Variants in NPR3 observed in about 807,000 individuals in gnomAD.
NPR3 encodes the protein atrial natriuretic peptide receptor 3.
Under a neutral mutation model 54.5 loss-of-function variants are expected in NPR3, and 34 were observed. The observed-to-expected ratio is 0.62, with a 90% CI of 0.47 to 0.83. The LOEUF is 0.83. Ranked by LOEUF, NPR3 falls within the 40% of genes least tolerant of loss-of-function variation. The probability of loss-of-function intolerance (pLI) is 0.00; values close to 1 mark genes in which losing one functional copy is unlikely to be tolerated. For synonymous variants in NPR3, 289 were observed against 297.1 expected, an observed-to-expected ratio of 0.97 and a Z score of 0.28; for missense variants, 674 against 720.8, an observed-to-expected ratio of 0.94 and a Z score of 0.74.
intron 1 of NPR3, among the ~76,000 whole-genome samples, chr5:32,697,554 G>A (rs1296944855): frequency 6.6e-6 from 1 of 151,706 alleles, no homozygotes; most frequent in African/African-American, 2.4e-5. Flanking sequence ...AGAGTAGTTT[G>A]AGTAGAATTG....
At chr5:32,768,234 G>C (rs1741580366) in intron 3 of NPR3, among the ~76,000 whole-genome samples, 3 of 152,176 alleles carry the variant, frequency 2.0e-5, no homozygotes, top group Admixed American at 6.5e-5. Context: ...TGGCACTGGT[G>C]AATCATCAGG....
intron 1 of NPR3, among the ~76,000 whole-genome samples, chr5:32,721,697 T>C (rs1738873281): frequency 1.3e-5 from 2 of 152,166 alleles, no homozygotes; most frequent in East Asian, 3.9e-4. Context: ...ACAAAGAATG[T>C]GTCCATCAGA....
intron 1 of NPR3, among the ~76,000 whole-genome samples, chr5:32,717,461 A>T (rs1233454262): frequency 6.6e-6 from 1 of 152,122 alleles, no homozygotes; most frequent in East Asian, 1.9e-4. Flanking sequence ...TATAATTTAC[A>T]CTCCCACCAA....
intron 3 of NPR3, among the ~76,000 whole-genome samples, chr5:32,761,824 G>T (rs1356909334): frequency 2.0e-5 from 3 of 149,860 alleles, no homozygotes; most frequent in African/African-American, 2.5e-5. Flanking sequence ...TTAAGTTCTG[G>T]GATACATATG....
At chr5:32,710,747 C>T (rs1267888436), upstream of NPR3, 4 of 1,547,560 alleles carry the variant, frequency 2.6e-6, no homozygotes, top group South Asian at 1.2e-5. Context: ...CGCCCCGCGT[C>T]GGTGCTTCAG....
chr5:32,751,719 G>C (rs1485654546), intron 3 of NPR3, among the ~76,000 whole-genome samples: 1 of 152,164 alleles, frequency 6.6e-6, no homozygotes, highest in Non-Finnish European at 1.5e-5. Flanking sequence ...GTCTCCCTCT[G>C]ACACTCAAAT....
At chr5:32,710,892 A>C, upstream of NPR3, 3 of 850,218 alleles carry the variant, frequency 3.5e-6, no homozygotes, top group Non-Finnish European at 1.6e-6. Flanking sequence ...GTGTGTGTGT[A>C]TATGTGTGTG....
chr5:32,743,186 C>T (rs982164568), intron 3 of NPR3, among the ~76,000 whole-genome samples: 1 of 152,166 alleles, frequency 6.6e-6, no homozygotes, highest in Non-Finnish European at 1.5e-5. Flanking sequence ...CTCTTGCCCT[C>T]TCTCTTTTTA....
intron 2 of NPR3, among the ~76,000 whole-genome samples, chr5:32,736,762 G>T (rs1739771211): frequency 6.6e-6 from 1 of 152,108 alleles, no homozygotes; most frequent in Non-Finnish European, 1.5e-5. Context: ...TCACACTGTG[G>T]CCTCCTCAGT....
At position 32,711,799 on chromosome 5, in the gene NPR3, C is replaced by A; in HGVS notation, c.23C>A (p.Thr8Asn). MPSLLVL[T>N]FSPCVLLGWA... is the part of the protein sequence containing the mutation. ...ACGATGCCGTCTCTGCTGGTGCTCACTTTCTCCCCGTGCGTACTACTCGGC... is the reference window on the plus strand; with the variant it reads ...ACGATGCCGTCTCTGCTGGTGCTCAATTTCTCCCCGTGCGTACTACTCGGC... The change falls in exon 1 of 8, where the codon ACT (threonine) becomes AAT (asparagine). Residue 8 changes from threonine (T) to asparagine (N), a missense_variant. Thr to Asn is a moderately conservative substitution (Grantham distance 65, BLOSUM62 0). Coordinates refer to ENST00000265074, the MANE Select transcript of NPR3 (RefSeq NM_001204375.2). 6.9e-7 allele frequency: 1 copy of A among 1,440,770 alleles called. No individual in the cohort carries two copies. The highest frequency in any genetic ancestry group is 9.1e-7 in the Non-Finnish European group (1 of 1,096,250). 89.2% of individuals were successfully genotyped at this position (1,440,770 alleles called of 1,614,324 possible).
intron 3 of NPR3, among the ~76,000 whole-genome samples, chr5:32,751,606 A>G (rs1318608330): frequency 6.6e-6 from 1 of 152,180 alleles, no homozygotes. Flanking sequence ...CTCCTTATTT[A>G]GATGAAAATT....
intron 1 of NPR3, among the ~76,000 whole-genome samples, chr5:32,721,882 A>T (rs1019992441): frequency 2.0e-5 from 3 of 152,174 alleles, no homozygotes; most frequent in Non-Finnish European, 4.4e-5. Flanking sequence ...GTGTCATAAC[A>T]CTATGAAAGG....
chr5:32,714,688 G>A (rs908613572), intron 1 of NPR3, among the ~76,000 whole-genome samples: 9 of 152,060 alleles, frequency 5.9e-5, no homozygotes, highest in African/African-American at 2.2e-4. Flanking sequence ...TCCTCCAATC[G>A]CCTCTAATCA....
intron 6 of NPR3, chr5:32,783,603 C>T (rs3811953): frequency 0.22 from 33,415 of 152,146 alleles, 3,756 homozygotes; most frequent in South Asian, 0.29. Context: ...AATATAGGTC[C>T]TTCAGGAGGC....
chr5:32,746,454 A>ACATGG (rs1740306024), intron 3 of NPR3, among the ~76,000 whole-genome samples: 2 of 152,338 alleles, frequency 1.3e-5, no homozygotes, highest in South Asian at 4.1e-4. Context: ...CTGTTTATTC[A>ACATGG]CATGGATAGG....
chr5:32,737,747 C>T (rs1739823498), intron 2 of NPR3, among the ~76,000 whole-genome samples: 1 of 152,068 alleles, frequency 6.6e-6, no homozygotes, highest in Non-Finnish European at 1.5e-5. Flanking sequence ...TATTCTTATT[C>T]ATGTAATTTT....
At chr5:32,782,397 G>T (rs146483922) in intron 5 of NPR3, among the ~76,000 whole-genome samples, 1 of 152,162 alleles carries the variant, frequency 6.6e-6, no homozygotes, top group Non-Finnish European at 1.5e-5. Flanking sequence ...TTGGCTGACG[G>T]GGTGGGCTGC....
chr5:32,729,986 G>C (rs965871435), intron 2 of NPR3, among the ~76,000 whole-genome samples: 1 of 152,034 alleles, frequency 6.6e-6, no homozygotes, highest in Non-Finnish European at 1.5e-5. Context: ...TTCTGTTCCA[G>C]GATCCAATCC....
At position 32,712,215 on chromosome 5, in the gene NPR3, G is replaced by C; in HGVS notation, c.439G>C (p.Ala147Pro). 6.2e-7 allele frequency: 1 copy of C among 1,612,774 alleles called. No homozygotes were observed. The highest frequency in any genetic ancestry group is 8.5e-7 in the Non-Finnish European group (1 of 1,179,664). The change falls in exon 1 of 8, where the codon GCA (alanine) becomes CCA (proline). Residue 147 changes from alanine (A) to proline (P), a missense_variant. Physicochemically the swap from Ala to Pro is conservative, Grantham distance 27. Transcript: ENST00000265074. ...EYAAAPVARL[A>P]SHWDLPMLSA... ...TGCAGCAGCGCCAGTGGCCCGGCTT[G>C]CATCGCACTGGGACCTGCCCATGCT...
Sources: allele counts gnomAD v4.1 joint callset (sites outside exome capture counted in the v4.1 genomes callset), GRCh38; gene constraint gnomAD v4.1.1; transcripts MANE v1.5; gene names NCBI Gene and HGNC (gene_info 2026-07-23, HGNC 2026-07-21).